Variants in B4GALNT3 observed in about 807,000 individuals in gnomAD.
B4GALNT3 encodes the protein beta-1,4-N-acetyl-galactosaminyltransferase 3.
A neutral mutation model predicts 120.2 loss-of-function variants in B4GALNT3; 86 were observed. The observed-to-expected ratio is 0.72, with a 90% CI of 0.60 to 0.86. The LOEUF (loss-of-function observed/expected upper bound fraction) is 0.86, where lower values mean the gene tolerates loss of function less well. Among genes scored for constraint, B4GALNT3 ranks in the 40% least tolerant of loss-of-function variants. The probability of loss-of-function intolerance (pLI) is 0.00; values close to 1 mark genes in which losing one functional copy is unlikely to be tolerated. For missense variants in B4GALNT3, 1,167 were observed against 1,298.9 expected, an observed-to-expected ratio of 0.90 and a Z score of 1.56; for synonymous variants, 518 against 510.4, an observed-to-expected ratio of 1.01 and a Z score of -0.20.
At chr12:477,549 G>A (rs1270294787) in intron 1 of B4GALNT3, among the ~76,000 whole-genome samples, 2 of 152,186 alleles carry the variant, frequency 1.3e-5, no homozygotes, top group Admixed American at 6.5e-5. Flanking sequence ...AGGTTCCTTT[G>A]TTGCACACTC....
At chr12:489,869 A>T in intron 1 of B4GALNT3, among the ~76,000 whole-genome samples, 1 of 152,218 alleles carries the variant, frequency 6.6e-6, no homozygotes. Context: ...GGGGTGGTAA[A>T]ACACACCTTA....
At chr12:556,417 G>A in intron 14 of B4GALNT3, 130 bp from the exon 15 acceptor site, 1 of 855,418 alleles carries the variant, frequency 1.2e-6, no homozygotes, top group Admixed American at 2.5e-5. Context: ...AGGCCCTATA[G>A]CCAGCCAGTG....
At chr12:543,182 C>A in intron 3 of B4GALNT3, 1 of 1,289,566 alleles carries the variant, frequency 7.8e-7, no homozygotes. Context: ...CAAGGCCAGG[C>A]CATGGGGTGA....
At chr12:546,838 C>G (rs4980834) in intron 7 of B4GALNT3, 125 bp downstream of exon 7, 1 of 913,704 alleles carries the variant, frequency 1.1e-6, no homozygotes, top group Non-Finnish European at 1.7e-6. Flanking sequence ...CACACGCTCC[C>G]GGCAACCGGG....
chr12:546,225 A>AGGAGGGGAGTGGGGAGGTGG (rs1418029437), intron 6 of B4GALNT3, among the ~76,000 whole-genome samples: 20 of 25,216 alleles, frequency 7.9e-4, no homozygotes, highest in African/African-American at 3.0e-3. Context: ...GGGGTGTGGG[A>AGGAGGGGAGTGGGGAGGTGG]GGAGGGGAGT....
Position 536,216 on chromosome 12 carries a change from AG to A in B4GALNT3, c.274del, listed in dbSNP as rs773917654. On this transcript the variant is annotated splice_acceptor_variant, in intron 2 of 19. Transcript: ENST00000266383. LOFTEE classifies it high-confidence loss of function. Reference sequence around the variant, plus strand: ...CAACTTCGTTCTTCATTCTTCCCCTAGGACCACGACATTGACCAAGGGGTGA... The same window carrying A: ...CAACTTCGTTCTTCATTCTTCCCCTAGACCACGACATTGACCAAGGGGTGA... 6.2e-7 allele frequency: 1 copy of A among 1,613,206 alleles called. No homozygotes were observed. The highest frequency in any genetic ancestry group is 2.2e-5 in the East Asian group (1 of 44,876).
chr12:464,817 C>T (rs188579095), intron 1 of B4GALNT3, among the ~76,000 whole-genome samples: 1 of 152,308 alleles, frequency 6.6e-6, no homozygotes, highest in East Asian at 1.9e-4. Context: ...GCTGCCTTAC[C>T]TCTATCTGTA....
At chr12:494,258 G>A (rs77462870) in intron 1 of B4GALNT3, among the ~76,000 whole-genome samples, 5,641 of 149,590 alleles carry the variant, frequency 0.038, 176 homozygotes, top group Non-Finnish European at 0.054. Context: ...AGCCTGGGCA[G>A]CAGACAGAGT....
In B4GALNT3 at chr12:559,440, G is replaced by A. The variant is rs374800859; in HGVS notation, c.2888+19G>A. The A allele has an allele frequency of 1.1e-5, 18 of 1,611,916 alleles. No individual in the cohort carries two copies. In the African/African-American group the frequency reaches 2.4e-4, roughly 22 times the overall value. On this transcript the variant is annotated intron_variant, in intron 19 of 19. Coordinates refer to ENST00000266383, the MANE Select transcript of B4GALNT3 (RefSeq NM_173593.4). ...TGGACAGGTGACTGGGAAGAGGAGG[G>A]CATCCACGAGGCCTGGGAATTCCAT...
At chr12:467,225 T>C in intron 1 of B4GALNT3, among the ~76,000 whole-genome samples, 1 of 152,158 alleles carries the variant, frequency 6.6e-6, no homozygotes, top group East Asian at 1.9e-4. Context: ...AGTGAGCCAC[T>C]GTGCTCGGCC....
At chr12:491,028 A>G (rs953642591) in intron 1 of B4GALNT3, among the ~76,000 whole-genome samples, 1 of 152,222 alleles carries the variant, frequency 6.6e-6, no homozygotes, top group Non-Finnish European at 1.5e-5. Context: ...AACTAATTCT[A>G]TGAGGCCAGC....
chr12:552,724 A>AC, intron 13 of B4GALNT3, 196 bp downstream of exon 13: 1 of 609,092 alleles, frequency 1.6e-6, no homozygotes, highest in East Asian at 2.8e-5. Flanking sequence ...GTGGAAAATG[A>AC]CACTATTTTT....
At chr12:472,230 G>A (rs376414835) in intron 1 of B4GALNT3, among the ~76,000 whole-genome samples, 4 of 152,190 alleles carry the variant, frequency 2.6e-5, no homozygotes, top group African/African-American at 7.2e-5. Flanking sequence ...GGGCCAGGTT[G>A]CTGAGTTTGG....
chr12:517,609 C>A (rs559018463), intron 1 of B4GALNT3, among the ~76,000 whole-genome samples: 1 of 152,218 alleles, frequency 6.6e-6, no homozygotes, highest in East Asian at 1.9e-4. Flanking sequence ...CCACCTTCCC[C>A]AAAATGCCTA....
intron 7 of B4GALNT3, 34 bp downstream of exon 7, chr12:546,747 C>G: frequency 9.1e-6 from 14 of 1,536,232 alleles, no homozygotes; most frequent in Middle Eastern, 1.9e-4. Flanking sequence ...CTGTGGGCGC[C>G]TCGGTGCCTC....
At chr12:527,509 G>A (rs1946768106) in intron 1 of B4GALNT3, among the ~76,000 whole-genome samples, 1 of 152,244 alleles carries the variant, frequency 6.6e-6, no homozygotes, top group Non-Finnish European at 1.5e-5. Flanking sequence ...TCAGGTGCCT[G>A]CCCTGGCCGT....
intron 1 of B4GALNT3, among the ~76,000 whole-genome samples, chr12:532,954 G>A (rs1221352133): frequency 6.6e-6 from 1 of 152,234 alleles, no homozygotes; most frequent in African/African-American, 2.4e-5. Context: ...GAGACGCACT[G>A]TAACTCCCAC....
intron 1 of B4GALNT3, among the ~76,000 whole-genome samples, chr12:504,117 T>TAAA (rs1291747211): frequency 1.1e-5 from 1 of 91,282 alleles, no homozygotes; most frequent in Non-Finnish European, 2.4e-5. Context: ...TCTGTCTCAA[T>TAAA]TAAAAAAAAA....
intron 18 of B4GALNT3, 78 bp from the exon 19 acceptor site, chr12:559,217 G>A: frequency 6.3e-7 from 1 of 1,585,044 alleles, no homozygotes; most frequent in South Asian, 1.1e-5. Context: ...GAGCCTCTAG[G>A]CACACAGCCT....
Sources: gnomAD v4.1 joint callset for allele counts (sites outside exome capture counted in the v4.1 genomes callset) on GRCh38, gnomAD v4.1.1 for gene constraint, MANE v1.5 for transcripts, NCBI Gene and HGNC (gene_info 2026-07-23, HGNC 2026-07-21) for gene names.